Variants in ERC2 observed in about 807,000 individuals in gnomAD.
ERC2 encodes the protein ERC protein 2.
In ERC2, 42 loss-of-function variants were observed where a neutral mutation model predicts 114.8. That is an observed-to-expected ratio of 0.37 (90% CI 0.29 to 0.47). The LOEUF (loss-of-function observed/expected upper bound fraction) is 0.47, where lower values mean the gene tolerates loss of function less well. Among genes scored for constraint, ERC2 ranks in the 20% least tolerant of loss-of-function variants. The pLI is 0.99. For synonymous variants in ERC2, 454 were observed against 425.5 expected (o/e 1.07, Z -0.82); for missense variants, 939 against 1,150.7 (o/e 0.82, Z 2.66).
chr3:55,683,718 C>A, intron 17 of ERC2, 76 bp downstream of exon 17: 1 of 1,167,532 alleles, frequency 8.6e-7, no homozygotes, highest in Non-Finnish European at 1.2e-6. Flanking sequence ...CATCAGCGAG[C>A]ACAATCGAGC....
At chr3:55,597,615 T>C (rs186634443) in intron 17 of ERC2, among the ~76,000 whole-genome samples, 155 of 152,292 alleles carry the variant, frequency 1.0e-3, no homozygotes, top group Non-Finnish European at 1.8e-3. Context: ...ACTGTACTTT[T>C]CTTCATGCAA....
intron 10 of ERC2, among the ~76,000 whole-genome samples, chr3:56,005,998 G>A (rs2072457923): frequency 6.6e-6 from 1 of 151,934 alleles, no homozygotes. Context: ...CAAGATTTCT[G>A]CTTAACTAAA....
chr3:55,521,357 C>G (rs11720739), intron 17 of ERC2, among the ~76,000 whole-genome samples: 45,477 of 152,182 alleles, frequency 0.3, 7,271 homozygotes, highest in Non-Finnish European at 0.37. Context: ...GATCCTACAA[C>G]CCAGTGCTTG....
Position 55,795,448 on chromosome 3 carries a change from C to T in ERC2, c.2565-60530G>A, listed in dbSNP as rs370265400. Among the ~76,000 whole-genome samples the T allele has an allele frequency of 4.6e-5, 7 of 152,248 alleles. No homozygotes were observed. In the East Asian group the frequency reaches 9.7e-4, roughly 21 times the overall value. ...CACTGGGATCCTGCTGTCATAAAAC[C>T]GTTTTGACCCCTGAATCATAAAGCT... On this transcript the variant is annotated intron_variant, in intron 14 of 17. Transcript: ENST00000288221.
chr3:56,352,127 C>T (rs753283102), intron 2 of ERC2, among the ~76,000 whole-genome samples: 17 of 152,054 alleles, frequency 1.1e-4, no homozygotes, highest in Admixed American at 6.6e-4. Flanking sequence ...ATTCATTATC[C>T]GGATAATTAC....
intron 13 of ERC2, among the ~76,000 whole-genome samples, chr3:55,904,867 T>C (rs1042478075): frequency 1.1e-4 from 16 of 152,236 alleles, no homozygotes; most frequent in African/African-American, 3.1e-4. Flanking sequence ...GCCATTTCAA[T>C]GTGTGACTCA....
At chr3:55,733,645 G>T (rs1193176154) in intron 15 of ERC2, among the ~76,000 whole-genome samples, 1 of 151,992 alleles carries the variant, frequency 6.6e-6, no homozygotes, top group Non-Finnish European at 1.5e-5. Context: ...GAACTCTGGT[G>T]CAGGGTCAAT....
intron 7 of ERC2, among the ~76,000 whole-genome samples, chr3:56,062,945 A>G (rs1308452403): frequency 6.6e-6 from 1 of 152,192 alleles, no homozygotes; most frequent in Non-Finnish European, 1.5e-5. Flanking sequence ...GCTTCGGAAT[A>G]ACTTCAGGGA....
At chr3:56,241,383 G>T (rs1323692338) in intron 3 of ERC2, among the ~76,000 whole-genome samples, 22 of 152,082 alleles carry the variant, frequency 1.4e-4, no homozygotes, top group Non-Finnish European at 2.9e-5. Context: ...TCATTAAAAA[G>T]TCAAAAAACA....
intron 3 of ERC2, among the ~76,000 whole-genome samples, chr3:56,272,823 C>T (rs1327676079): frequency 6.6e-6 from 1 of 152,144 alleles, no homozygotes; most frequent in Non-Finnish European, 1.5e-5. Context: ...AGGAACATGT[C>T]TCAACCAAAG....
intron 14 of ERC2, among the ~76,000 whole-genome samples, chr3:55,811,458 T>A (rs2059718246): frequency 6.6e-6 from 1 of 152,146 alleles, no homozygotes; most frequent in Admixed American, 6.5e-5. Flanking sequence ...TAATTCAGAG[T>A]AAGTTAAAAG....
intron 6 of ERC2, among the ~76,000 whole-genome samples, chr3:56,132,165 A>G (rs2080242560): frequency 6.6e-6 from 1 of 152,202 alleles, no homozygotes; most frequent in Non-Finnish European, 1.5e-5. Flanking sequence ...CCTGGAGGCC[A>G]CAAAGCATTC....
intron 17 of ERC2, among the ~76,000 whole-genome samples, chr3:55,615,857 T>C (rs1248368042): frequency 1.3e-5 from 2 of 152,166 alleles, no homozygotes; most frequent in African/African-American, 4.8e-5. Flanking sequence ...TGCCGAGCCA[T>C]TTGGCCGGAG....
At chr3:55,806,818 G>A (rs980261055) in intron 14 of ERC2, among the ~76,000 whole-genome samples, 2 of 152,190 alleles carry the variant, frequency 1.3e-5, no homozygotes, top group Admixed American at 6.5e-5. Flanking sequence ...GCCAACTGAC[G>A]TTGGGCAAAT....
At chr3:55,701,498 T>A (rs1015732177) in intron 15 of ERC2, among the ~76,000 whole-genome samples, 2 of 152,132 alleles carry the variant, frequency 1.3e-5, no homozygotes, top group African/African-American at 4.8e-5. Flanking sequence ...ATTTACTCAC[T>A]CCATTTTTAA....
intron 17 of ERC2, among the ~76,000 whole-genome samples, chr3:55,624,673 C>A (rs541366568): frequency 1.4e-4 from 22 of 152,286 alleles, no homozygotes; most frequent in African/African-American, 5.3e-4. Flanking sequence ...GGAAACCCAG[C>A]TTTTTCCTCT....
At chr3:55,513,975 A>G (rs1322602098) in intron 17 of ERC2, among the ~76,000 whole-genome samples, 2 of 152,138 alleles carry the variant, frequency 1.3e-5, no homozygotes, top group Non-Finnish European at 2.9e-5. Context: ...GAATCCTTAA[A>G]TCTACTCCTT....
intron 14 of ERC2, among the ~76,000 whole-genome samples, chr3:55,781,546 A>G (rs996606883): frequency 6.6e-6 from 1 of 151,732 alleles, no homozygotes; most frequent in African/African-American, 2.4e-5. Flanking sequence ...CTTCTCCCAG[A>G]AAGTCTGAGG....
intron 17 of ERC2, among the ~76,000 whole-genome samples, chr3:55,665,165 A>T (rs2148718759): frequency 6.6e-6 from 1 of 152,264 alleles, no homozygotes; most frequent in South Asian, 2.1e-4. Flanking sequence ...TTTAAAAGTC[A>T]AAAAAATCAA....
Sources: allele counts gnomAD v4.1 joint callset (sites outside exome capture counted in the v4.1 genomes callset), GRCh38; gene constraint gnomAD v4.1.1; transcripts MANE v1.5; gene names NCBI Gene and HGNC (gene_info 2026-07-23, HGNC 2026-07-21).